The following FAM222A variants were observed in gnomAD, a reference collection of about 807,000 sequenced individuals.
FAM222A encodes family with sequence similarity 222 member A, also known as protein FAM222A.
A neutral mutation model predicts 25.8 loss-of-function variants in FAM222A; 7 were observed. The observed-to-expected ratio is 0.27, with a 90% CI of 0.15 to 0.51. The LOEUF (loss-of-function observed/expected upper bound fraction) is 0.51. FAM222A is among the 20% of genes least tolerant of loss of function. The probability of loss-of-function intolerance (pLI) is 0.97; values close to 1 mark genes in which losing one functional copy is unlikely to be tolerated. For missense variants in FAM222A, 573 were observed against 640.5 expected (o/e 0.89, Z 1.14); for synonymous variants, 294 against 298.8 (o/e 0.98, Z 0.17).
At chr12:109,739,979 C>G (rs1015665542) in intron 1 of FAM222A, among the ~76,000 whole-genome samples, 1 of 152,216 alleles carries the variant, frequency 6.6e-6, no homozygotes, top group African/African-American at 2.4e-5. Context: ...CAGAGCTTCC[C>G]CTCCCACTGG....
chr12:109,720,337 G>A lies in FAM222A; in HGVS notation c.-47+5440G>A, dbSNP rs77346206. 3.6e-4 allele frequency among the ~76,000 whole-genome samples: 55 copies of A among 152,360 alleles called. 1 individual carries two copies. The East Asian group carries it at 0.01, about 29-fold the overall frequency. ...AATGACCCAGAGTCTGTGGGGAGGG[G>A]GGCCTCCCTTGGAGGAGGAGGGAGG... On this transcript the variant is annotated intron_variant, in intron 1 of 2. Coordinates refer to ENST00000538780, the MANE Select transcript of FAM222A (RefSeq NM_032829.3).
intron 1 of FAM222A, among the ~76,000 whole-genome samples, chr12:109,719,402 C>T (rs1887707725): frequency 6.6e-6 from 1 of 152,178 alleles, no homozygotes; most frequent in Non-Finnish European, 1.5e-5. Context: ...CCCACCCACT[C>T]GTGGTTCCAT....
chr12:109,738,212 C>T (rs939079189), intron 1 of FAM222A, among the ~76,000 whole-genome samples: 89 of 152,306 alleles, frequency 5.8e-4, no homozygotes, highest in African/African-American at 1.6e-3. Flanking sequence ...TCCACTCTTC[C>T]TGGCCAGAAG....
At chr12:109,722,190 G>A (rs1264711799) in intron 1 of FAM222A, among the ~76,000 whole-genome samples, 1 of 152,232 alleles carries the variant, frequency 6.6e-6, no homozygotes, top group Non-Finnish European at 1.5e-5. Context: ...GCAGGTGAGA[G>A]TGTTTACTAA....
intron 1 of FAM222A, among the ~76,000 whole-genome samples, chr12:109,720,749 T>G (rs1171577117): frequency 6.6e-6 from 1 of 152,224 alleles, no homozygotes; most frequent in Non-Finnish European, 1.5e-5. Flanking sequence ...AAAGGTGGTG[T>G]GTACCTACCG....
At chr12:109,747,870 C>T (rs867840958) in intron 2 of FAM222A, among the ~76,000 whole-genome samples, 3 of 152,122 alleles carry the variant, frequency 2.0e-5, no homozygotes, top group Non-Finnish European at 4.4e-5. Flanking sequence ...GATAAATTTA[C>T]CCCCTATTTT....
At chr12:109,746,604 A>G (rs1461549941) in intron 2 of FAM222A, among the ~76,000 whole-genome samples, 1 of 152,226 alleles carries the variant, frequency 6.6e-6, no homozygotes, top group African/African-American at 2.4e-5. Flanking sequence ...TTTAATTATT[A>G]TGTTGTTTAA....
intron 1 of FAM222A, among the ~76,000 whole-genome samples, chr12:109,727,031 C>T (rs891378827): frequency 2.0e-5 from 3 of 152,164 alleles, no homozygotes; most frequent in East Asian, 1.9e-4. Flanking sequence ...ATGCTGAAGC[C>T]GGCTCCTGCC....
chr12:109,749,458 G>A (rs911892185), intron 2 of FAM222A, among the ~76,000 whole-genome samples: 3 of 152,106 alleles, frequency 2.0e-5, no homozygotes, highest in Non-Finnish European at 1.5e-5. Context: ...AGAGAATCTT[G>A]TCTACTATTT....
chr12:109,720,554 G>A (rs1704984902), intron 1 of FAM222A, among the ~76,000 whole-genome samples: 2 of 152,260 alleles, frequency 1.3e-5, no homozygotes, highest in South Asian at 4.1e-4. Context: ...CATCTGTGAT[G>A]GGCCAAGGGA....
intron 2 of FAM222A, among the ~76,000 whole-genome samples, chr12:109,763,201 G>A (rs1888948099): frequency 6.6e-6 from 1 of 152,242 alleles, no homozygotes; most frequent in South Asian, 2.1e-4. Flanking sequence ...AGACAGCCTG[G>A]AAAGCAGACA....
intron 2 of FAM222A, among the ~76,000 whole-genome samples, chr12:109,746,675 C>G (rs1441628621): frequency 3.3e-5 from 5 of 152,052 alleles, no homozygotes; most frequent in African/African-American, 1.2e-4. Flanking sequence ...GTGTACAATT[C>G]AATGATTTTT....
chr12:109,733,383 CAT>C (rs1887993790), intron 1 of FAM222A, among the ~76,000 whole-genome samples: 1 of 152,018 alleles, frequency 6.6e-6, no homozygotes, highest in Non-Finnish European at 1.5e-5. Context: ...TGTACAATTA[CAT>C]ATGAGGCTCC....
At chr12:109,752,058 C>G (rs1888575244) in intron 2 of FAM222A, among the ~76,000 whole-genome samples, 1 of 152,156 alleles carries the variant, frequency 6.6e-6, no homozygotes. Flanking sequence ...AAAAAAAATT[C>G]CAGGCTGGAC....
At chr12:109,763,691 C>T (rs536222711) in intron 2 of FAM222A, among the ~76,000 whole-genome samples, 45 of 152,310 alleles carry the variant, frequency 3.0e-4, no homozygotes, top group Admixed American at 2.9e-3. Context: ...GCCCTGGAAG[C>T]CATATTCTTT....
chr12:109,751,183 T>C (rs1247146838), intron 2 of FAM222A, among the ~76,000 whole-genome samples: 1 of 152,184 alleles, frequency 6.6e-6, no homozygotes, highest in African/African-American at 2.4e-5. Flanking sequence ...TCTTTTTTTT[T>C]CTCCTGTGCT....
intron 1 of FAM222A, among the ~76,000 whole-genome samples, chr12:109,723,178 C>CA (rs1005114781): frequency 1.3e-5 from 2 of 152,122 alleles, no homozygotes; most frequent in Admixed American, 6.5e-5. Context: ...GGGAGGGGTG[C>CA]AGGCCACTAG....
chr12:109,744,146 C>T lies in FAM222A; in HGVS notation c.-1C>T, dbSNP rs1377563527. On this transcript the variant is annotated 5_prime_UTR_variant, in exon 2 of 3. Coordinates refer to ENST00000538780, the MANE Select transcript of FAM222A (RefSeq NM_032829.3). ...CCCCACTGGGGACCCCCAGCTCAGC[C>T]ATGCTGGCCTGTCTGCAGAGGACCC... The T allele has an allele frequency of 1.9e-6, 3 of 1,612,726 alleles. No individual in the cohort carries two copies. The highest frequency in any genetic ancestry group is 4.5e-5 in the East Asian group (2 of 44,888).
intron 1 of FAM222A, among the ~76,000 whole-genome samples, chr12:109,735,088 A>G (rs952429227): frequency 6.6e-5 from 10 of 152,180 alleles, no homozygotes; most frequent in Admixed American, 3.3e-4. Flanking sequence ...TACTGATCTT[A>G]GCATTGGGCT....
Sources: allele counts gnomAD v4.1 joint callset (sites outside exome capture counted in the v4.1 genomes callset), GRCh38; gene constraint gnomAD v4.1.1; transcripts MANE v1.5; gene names NCBI Gene and HGNC (gene_info 2026-07-23, HGNC 2026-07-21).